Variants in DPP6 observed in about 807,000 individuals in gnomAD.
DPP6 encodes dipeptidyl peptidase like 6.
Under a neutral mutation model 122.6 loss-of-function variants are expected in DPP6, and 69 were observed. That is an observed-to-expected ratio of 0.56 (90% confidence interval 0.46 to 0.69). DPP6 has a LOEUF of 0.69. DPP6 is among the 30% of genes least tolerant of loss of function. DPP6 has a pLI of 0.00. For synonymous variants in DPP6, 418 were observed against 433.1 expected (o/e 0.97, Z 0.43); for missense variants, 928 against 1,116.9 (o/e 0.83, Z 2.41).
At chr7:154,202,423 T>G (rs1799221281) in intron 1 of DPP6, among the ~76,000 whole-genome samples, 1 of 152,142 alleles carries the variant, frequency 6.6e-6, no homozygotes, top group South Asian at 2.1e-4. Context: ...TCTGTGAAAA[T>G]GCAAGCCCTT....
intron 1 of DPP6, among the ~76,000 whole-genome samples, chr7:154,236,853 T>TA (rs1347706122): frequency 1.3e-5 from 2 of 152,038 alleles, no homozygotes; most frequent in African/African-American, 2.4e-5. Context: ...GAAAGACCAG[T>TA]AAAAAAATAA....
rs1804585833 is a variant in DPP6, at chr7:154,282,491, G to T, written c.244-163723G>T. 6.6e-6 allele frequency among the ~76,000 whole-genome samples: 1 copy of T among 152,176 alleles called. No homozygotes were observed. Among genetic ancestry groups the T allele is most frequent in the South Asian group, 2.1e-4 (1 of 4,828 alleles). ...TTTGTTCCCTACGCCCCTTGGGAGA[G>T]TGTGGCACACTGGAAGAAAGACACG... On this transcript the variant is annotated intron_variant, in intron 1 of 25. Transcript: ENST00000377770. The surrounding 1 kb of genome is among the most constrained non-coding windows in gnomAD (Gnocchi z 4.8).
At chr7:154,279,317 G>A (rs1804352904) in intron 1 of DPP6, among the ~76,000 whole-genome samples, 1 of 152,172 alleles carries the variant, frequency 6.6e-6, no homozygotes, top group African/African-American at 2.4e-5. Context: ...CAAGTATGGT[G>A]AATCCATCTA....
intron 19 of DPP6, among the ~76,000 whole-genome samples, chr7:154,873,414 A>G (rs1456271620): frequency 1.3e-5 from 2 of 152,128 alleles, no homozygotes; most frequent in Non-Finnish European, 2.9e-5. Context: ...TTTCAAGACC[A>G]CGGAGCAGGA....
At chr7:154,216,082 C>G (rs1164992914) in intron 1 of DPP6, among the ~76,000 whole-genome samples, 1 of 152,174 alleles carries the variant, frequency 6.6e-6, no homozygotes, top group Non-Finnish European at 1.5e-5. Context: ...TAAGCACGTG[C>G]CCAGTTGGCA....
chr7:154,396,309 C>T (rs2337380), intron 1 of DPP6, among the ~76,000 whole-genome samples: 71,690 of 151,984 alleles, frequency 0.47, 19,445 homozygotes, highest in Admixed American at 0.58. Flanking sequence ...AGCCACCAGG[C>T]CAGGAAATAG....
At chr7:154,116,515 A>G (rs1179852608) in intron 1 of DPP6, among the ~76,000 whole-genome samples, 1 of 152,234 alleles carries the variant, frequency 6.6e-6, no homozygotes, top group Non-Finnish European at 1.5e-5. Flanking sequence ...GAACAAGCAA[A>G]CAGTTTACTT....
Position 154,600,026 on chromosome 7 carries a change from T to C in DPP6, c.627+33110T>C, listed in dbSNP as rs527793442. ...TTCATAAAACTTTCTCATGGATGGC[T>C]CCAGTCCCAAATAAAGCTATCCTCC... On this transcript the variant is annotated intron_variant, in intron 5 of 25. Transcript: ENST00000377770. 2.0e-4 allele frequency among the ~76,000 whole-genome samples: 30 copies of C among 152,312 alleles called. 2 individuals carry two copies. In the South Asian group the frequency reaches 2.7e-3, roughly 14 times the overall value.
intron 1 of DPP6, among the ~76,000 whole-genome samples, chr7:154,325,224 C>A (rs1331854112): frequency 6.6e-6 from 1 of 152,176 alleles, no homozygotes; most frequent in African/African-American, 2.4e-5. Context: ...GCCCAGACCC[C>A]CAATGGCTGC....
intron 5 of DPP6, among the ~76,000 whole-genome samples, chr7:154,581,797 G>A (rs557637715): frequency 1.3e-5 from 2 of 152,322 alleles, no homozygotes; most frequent in South Asian, 2.1e-4. Context: ...TATTGTGCGC[G>A]GCCATCAGCA....
chr7:154,831,124 G>A (rs939828405), intron 16 of DPP6, among the ~76,000 whole-genome samples: 3 of 152,156 alleles, frequency 2.0e-5, no homozygotes, highest in Admixed American at 6.5e-5. Flanking sequence ...TTAGAAAAAG[G>A]ACCACAGACC....
chr7:154,320,531 C>CGGAGG (rs1807857806), intron 1 of DPP6, among the ~76,000 whole-genome samples: 1 of 151,842 alleles, frequency 6.6e-6, no homozygotes, highest in South Asian at 2.1e-4. Flanking sequence ...TTGCCCAGGT[C>CGGAGG]GGAGTGCAGC....
chr7:154,757,376 C>T (rs1379285794), intron 8 of DPP6, among the ~76,000 whole-genome samples: 1 of 152,254 alleles, frequency 6.6e-6, no homozygotes, highest in East Asian at 1.9e-4. Flanking sequence ...ATGCCCACTG[C>T]CCAGTGGGTG....
chr7:154,605,031 T>C lies in DPP6; in HGVS notation c.628-32790T>C, dbSNP rs564909230. On this transcript the variant is annotated intron_variant, in intron 5 of 25. Coordinates refer to ENST00000377770, the MANE Select transcript of DPP6 (RefSeq NM_130797.4). ...GTATGCTTTGGTATCTCTTTTTTTTTTTTGAGAAGATTAATATAGATCTCT... is the reference window on the plus strand; with the variant it reads ...GTATGCTTTGGTATCTCTTTTTTTTCTTTGAGAAGATTAATATAGATCTCT... Among the ~76,000 whole-genome samples, 440 of 119,038 alleles carry C rather than the reference T, an allele frequency of 3.7e-3. 111 individuals are homozygous for C. The highest frequency in any genetic ancestry group is 0.013 in the Middle Eastern group (3 of 234). 78.1% of individuals were successfully genotyped at this position (119,038 alleles called of 152,430 possible). A position where few individuals can be genotyped will look rare whatever the true frequency, so the allele number is the denominator to read the frequency against.
At chr7:153,977,655 C>A (rs1796377421) in intron 1 of DPP6, among the ~76,000 whole-genome samples, 1 of 152,008 alleles carries the variant, frequency 6.6e-6, no homozygotes, top group Admixed American at 6.6e-5. Flanking sequence ...TTTGCTTCAC[C>A]CATCAACCCG....
chr7:154,741,759 C>T (rs113101819), intron 8 of DPP6, among the ~76,000 whole-genome samples: 2 of 152,282 alleles, frequency 1.3e-5, no homozygotes, highest in African/African-American at 4.8e-5. Flanking sequence ...GCTCACCACC[C>T]TCATTATTAT....
Position 154,403,437 on chromosome 7 carries a change from G to T in DPP6, c.244-42777G>T, listed in dbSNP as rs1039978372. On this transcript the variant is annotated intron_variant, in intron 1 of 25. Coordinates refer to ENST00000377770, the MANE Select transcript of DPP6 (RefSeq NM_130797.4). This position sits in a 1 kb window ranked among gnomAD's most constrained non-coding sequence, Gnocchi z 4.1. ...TTGAAGAGTCCGAAGGATCCAGAAT[G>T]GCAGAGAGGGGAAATGGGGGCAGCC... 6.6e-6 allele frequency among the ~76,000 whole-genome samples: 1 copy of T among 152,210 alleles called. No homozygotes were observed. Among genetic ancestry groups the T allele is most frequent in the African/African-American group, 2.4e-5 (1 of 41,460 alleles).
intron 3 of DPP6, among the ~76,000 whole-genome samples, chr7:154,514,139 G>T (rs1826306047): frequency 6.6e-6 from 1 of 152,062 alleles, no homozygotes; most frequent in Admixed American, 6.6e-5. Context: ...AGGCAGGCAT[G>T]GTGGTGGGTA....
chr7:153,898,993 C>T (rs772678541), intron 1 of DPP6, among the ~76,000 whole-genome samples: 13 of 152,120 alleles, frequency 8.5e-5, no homozygotes, highest in South Asian at 2.1e-4. Context: ...AAGGGAAAGG[C>T]GAGAGACAAA....
Sources: allele counts gnomAD v4.1 joint callset (sites outside exome capture counted in the v4.1 genomes callset), GRCh38; gene constraint gnomAD v4.1.1; non-coding constraint Gnocchi (gnomAD v3.1); transcripts MANE v1.5; gene names NCBI Gene and HGNC (gene_info 2026-07-23, HGNC 2026-07-21).